XNDC1N: variants seen among roughly 807,000 people sequenced by gnomAD.
XNDC1N encodes protein XNDC1N.
At chr11:71,895,329 G>A in the XNDC1N span, among the ~76,000 whole-genome samples, 1 of 150,774 alleles carries the variant, frequency 6.6e-6, no homozygotes, top group Non-Finnish European at 1.5e-5. Context: ...TTTTTTTTGA[G>A]TCAGAGTTTC....
chr11:71,866,402 T>A, the XNDC1N span, among the ~76,000 whole-genome samples: 1 of 152,184 alleles, frequency 6.6e-6, no homozygotes, highest in Non-Finnish European at 1.5e-5. Context: ...AATGATATGA[T>A]TCTGTGCATG....
chr11:71,895,781 T>C, the XNDC1N span, among the ~76,000 whole-genome samples: 1 of 152,206 alleles, frequency 6.6e-6, no homozygotes, highest in African/African-American at 2.4e-5. Flanking sequence ...CGAGACATTT[T>C]AAAAATATTT....
the XNDC1N span, among the ~76,000 whole-genome samples, chr11:71,898,041 G>A: frequency 6.6e-6 from 1 of 152,042 alleles, no homozygotes; most frequent in African/African-American, 2.4e-5. Flanking sequence ...AAAATGAAAC[G>A]AGCGTGGTGG....
chr11:71,906,025 TC>T, the XNDC1N span, among the ~76,000 whole-genome samples: 3 of 151,608 alleles, frequency 2.0e-5, no homozygotes, highest in African/African-American at 7.3e-5. Flanking sequence ...AGGGGTAACA[TC>T]CCCCCACAAT....
chr11:71,885,110 CAG>C, the XNDC1N span, among the ~76,000 whole-genome samples: 1 of 152,110 alleles, frequency 6.6e-6, no homozygotes, highest in East Asian at 1.9e-4. Context: ...CCTGGGTATA[CAG>C]AGATTGTACA....
chr11:71,924,234 C>T, the XNDC1N span, among the ~76,000 whole-genome samples: 51 of 152,156 alleles, frequency 3.4e-4, no homozygotes, highest in Non-Finnish European at 6.0e-4. Flanking sequence ...CCTTGCTAAG[C>T]TGGGTGTGGT....
At chr11:71,904,207 G>T in the XNDC1N span, 3 of 400,206 alleles carry the variant, frequency 7.5e-6, no homozygotes, top group Non-Finnish European at 1.5e-5. Context: ...ATATCACAGG[G>T]TGAACACCCA....
At chr11:71,868,171 G>A in the XNDC1N span, among the ~76,000 whole-genome samples, 1 of 152,152 alleles carries the variant, frequency 6.6e-6, no homozygotes, top group Non-Finnish European at 1.5e-5. Flanking sequence ...TTGAGCCTAT[G>A]AGTGATGGGC....
chr11:71,872,163 A>G, the XNDC1N span, among the ~76,000 whole-genome samples: 1 of 152,146 alleles, frequency 6.6e-6, no homozygotes, highest in Non-Finnish European at 1.5e-5. Flanking sequence ...AAGCCAGTGA[A>G]TGAGTTTATA....
the XNDC1N span, among the ~76,000 whole-genome samples, chr11:71,927,312 T>C: frequency 6.6e-6 from 1 of 152,104 alleles, no homozygotes. Context: ...GGCGGGTGGA[T>C]CACTTAAGGT....
the XNDC1N span, among the ~76,000 whole-genome samples, chr11:71,871,398 T>C: frequency 2.8e-3 from 433 of 152,288 alleles, 2 homozygotes; most frequent in South Asian, 0.013. Flanking sequence ...AAGGATATCA[T>C]GGTCAAACAG....
chr11:71,908,260 A>G, the XNDC1N span, among the ~76,000 whole-genome samples: 1 of 152,010 alleles, frequency 6.6e-6, no homozygotes, highest in East Asian at 1.9e-4. Flanking sequence ...AATTATTAGG[A>G]GCTAATATGA....
At chr11:71,873,777 G>C in the XNDC1N span, among the ~76,000 whole-genome samples, 1 of 152,186 alleles carries the variant, frequency 6.6e-6, no homozygotes, top group African/African-American at 2.4e-5. Context: ...GTAGGACATT[G>C]TGTGCCATGT....
At chr11:71,920,549 C>T in the XNDC1N span, among the ~76,000 whole-genome samples, 1 of 151,650 alleles carries the variant, frequency 6.6e-6, no homozygotes, top group Admixed American at 6.6e-5. Flanking sequence ...AGGTGATCTG[C>T]CCACCTCGGC....
chr11:71,886,669 G>A, the XNDC1N span, among the ~76,000 whole-genome samples: 56 of 152,306 alleles, frequency 3.7e-4, no homozygotes, highest in East Asian at 1.4e-3. Context: ...GCTTTAGTCC[G>A]TCAAAGCGCA....
At chr11:71,896,252 C>T in the XNDC1N span, among the ~76,000 whole-genome samples, 1 of 152,172 alleles carries the variant, frequency 6.6e-6, no homozygotes, top group African/African-American at 2.4e-5. Context: ...GTACACCAAC[C>T]TGGGCAACAG....
the XNDC1N span, among the ~76,000 whole-genome samples, chr11:71,879,799 A>G: frequency 6.6e-6 from 1 of 152,144 alleles, no homozygotes; most frequent in South Asian, 2.1e-4. Context: ...GTCTCTATGT[A>G]TATTCCTATT....
chr11:71,909,417 A>G, the XNDC1N span, among the ~76,000 whole-genome samples: 3 of 152,136 alleles, frequency 2.0e-5, no homozygotes, highest in African/African-American at 7.2e-5. Context: ...CTGATTGTAA[A>G]GAAATAGGAC....
the XNDC1N span, among the ~76,000 whole-genome samples, chr11:71,886,341 A>G: frequency 6.6e-6 from 1 of 152,194 alleles, no homozygotes; most frequent in Non-Finnish European, 1.5e-5. Context: ...TCAAGCAGCA[A>G]CTAAGTGGCT....
Sources: gnomAD v4.1 joint callset for allele counts (sites outside exome capture counted in the v4.1 genomes callset) on GRCh38, gnomAD v4.1.1 for gene constraint, MANE v1.5 for transcripts, NCBI Gene and HGNC (gene_info 2026-07-23, HGNC 2026-07-21) for gene names.